DRC11: variants seen among roughly 807,000 people sequenced by gnomAD.
DRC11 encodes dynein regulatory complex subunit 11, also known as IQ and AAA domain-containing protein 1.
the DRC11 span, among the ~76,000 whole-genome samples, chr2:236,407,272 C>T: frequency 1.3e-5 from 2 of 152,178 alleles, no homozygotes; most frequent in Admixed American, 1.3e-4. Flanking sequence ...TTGATGGTAT[C>T]TGGGTTAATT....
At chr2:236,422,665 T>A in the DRC11 span, among the ~76,000 whole-genome samples, 1 of 152,224 alleles carries the variant, frequency 6.6e-6, no homozygotes, top group East Asian at 1.9e-4. Flanking sequence ...CCCATCAAGC[T>A]ACCAATGACT....
chr2:236,317,545 G>C, the DRC11 span, among the ~76,000 whole-genome samples: 5 of 152,280 alleles, frequency 3.3e-5, 1 homozygote, highest in South Asian at 1.0e-3. The surrounding 1 kb of genome is among the most constrained non-coding windows in gnomAD (Gnocchi z 5.4). Flanking sequence ...CAGGACAATA[G>C]TTGCCTTTGC....
the DRC11 span, chr2:236,486,739 C>A: frequency 1.1e-6 from 1 of 869,664 alleles, no homozygotes. The surrounding 1 kb of genome is among the most constrained non-coding windows in gnomAD (Gnocchi z 5.7). Flanking sequence ...TTCTTTCTTT[C>A]TTCCCTCAAA....
chr2:236,403,324 A>T, the DRC11 span, among the ~76,000 whole-genome samples: 1 of 151,740 alleles, frequency 6.6e-6, no homozygotes, highest in African/African-American at 2.4e-5. Flanking sequence ...AGAGAGAGAG[A>T]GGCAGAGAGA....
chr2:236,431,482 G>A, the DRC11 span, among the ~76,000 whole-genome samples: 1 of 152,156 alleles, frequency 6.6e-6, no homozygotes, highest in South Asian at 2.1e-4. This position sits in a 1 kb window ranked among gnomAD's most constrained non-coding sequence, Gnocchi z 4.2. Context: ...GTCACTGCCT[G>A]CATGGTTCAA....
At chr2:236,462,285 C>G in the DRC11 span, among the ~76,000 whole-genome samples, 5 of 152,208 alleles carry the variant, frequency 3.3e-5, no homozygotes, top group South Asian at 1.0e-3. The surrounding 1 kb of genome is among the most constrained non-coding windows in gnomAD (Gnocchi z 6.4). Flanking sequence ...GTGGCCAGTG[C>G]CTGGGGACAC....
At chr2:236,394,551 A>T in the DRC11 span, among the ~76,000 whole-genome samples, 9 of 152,214 alleles carry the variant, frequency 5.9e-5, 1 homozygote, top group African/African-American at 2.2e-4. This position sits in a 1 kb window ranked among gnomAD's most constrained non-coding sequence, Gnocchi z 7.0. Context: ...GAATTGCTTG[A>T]ATCCAGGAGG....
At chr2:236,481,262 G>A in the DRC11 span, among the ~76,000 whole-genome samples, 2 of 152,222 alleles carry the variant, frequency 1.3e-5, no homozygotes, top group South Asian at 4.1e-4. Context: ...CCTGTAGGTT[G>A]AGGCAGGGAT....
At chr2:236,309,610 TATACTC>T in the DRC11 span, among the ~76,000 whole-genome samples, 2 of 152,212 alleles carry the variant, frequency 1.3e-5, no homozygotes, top group African/African-American at 2.4e-5. The surrounding 1 kb of genome is among the most constrained non-coding windows in gnomAD (Gnocchi z 5.7). Flanking sequence ...AGCAAATAAA[TATACTC>T]ATCCACAAAA....
the DRC11 span, among the ~76,000 whole-genome samples, chr2:236,494,650 AT>A: frequency 3.4e-4 from 51 of 151,494 alleles, no homozygotes; most frequent in African/African-American, 1.1e-3. This position sits in a 1 kb window ranked among gnomAD's most constrained non-coding sequence, Gnocchi z 4.2. Flanking sequence ...TGGCTACCTT[AT>A]TTTTTTTTCC....
chr2:236,324,601 A>G, the DRC11 span: 3 of 772,460 alleles, frequency 3.9e-6, no homozygotes, highest in South Asian at 3.2e-5. The surrounding 1 kb of genome is among the most constrained non-coding windows in gnomAD (Gnocchi z 5.7). Context: ...TTCTTTGGCG[A>G]GTTGGGGTCC....
At chr2:236,483,226 T>C in the DRC11 span, among the ~76,000 whole-genome samples, 1 of 152,186 alleles carries the variant, frequency 6.6e-6, no homozygotes, top group African/African-American at 2.4e-5. The surrounding 1 kb of genome is among the most constrained non-coding windows in gnomAD (Gnocchi z 4.8). Flanking sequence ...TTCCTTCTCT[T>C]TTATAGCTGA....
chr2:236,459,500 T>TAC, the DRC11 span, among the ~76,000 whole-genome samples: 2 of 103,130 alleles, frequency 1.9e-5, no homozygotes, highest in South Asian at 2.8e-4. Context: ...TACGTATATA[T>TAC]GTATACGTAT....
At chr2:236,382,432 C>T in the DRC11 span, among the ~76,000 whole-genome samples, 2 of 152,146 alleles carry the variant, frequency 1.3e-5, no homozygotes, top group Non-Finnish European at 2.9e-5. Context: ...TATTCTAGTT[C>T]CATTACCTTT....
chr2:236,315,324 A>G, the DRC11 span, among the ~76,000 whole-genome samples: 1 of 152,164 alleles, frequency 6.6e-6, no homozygotes, highest in East Asian at 1.9e-4. The surrounding 1 kb of genome is among the most constrained non-coding windows in gnomAD (Gnocchi z 5.1). Flanking sequence ...TTCCAGGTAA[A>G]CTCGCAGATA....
chr2:236,319,227 C>G, the DRC11 span, among the ~76,000 whole-genome samples: 1 of 152,218 alleles, frequency 6.6e-6, no homozygotes, highest in Non-Finnish European at 1.5e-5. This position sits in a 1 kb window ranked among gnomAD's most constrained non-coding sequence, Gnocchi z 6.7. Context: ...AGTAATTGAA[C>G]AGCAGGTGGC....
the DRC11 span, among the ~76,000 whole-genome samples, chr2:236,467,953 T>C: frequency 6.6e-6 from 1 of 152,138 alleles, no homozygotes; most frequent in Non-Finnish European, 1.5e-5. Context: ...ACAATGAAGA[T>C]GTCATTAAAA....
the DRC11 span, among the ~76,000 whole-genome samples, chr2:236,316,145 TTC>T: frequency 0.023 from 3,345 of 145,330 alleles, 96 homozygotes; most frequent in East Asian, 0.13. The surrounding 1 kb of genome is among the most constrained non-coding windows in gnomAD (Gnocchi z 6.8). Flanking sequence ...ACTTATTTTC[TTC>T]TCTCTCTCTC....
At chr2:236,412,187 G>A in the DRC11 span, among the ~76,000 whole-genome samples, 25 of 152,238 alleles carry the variant, frequency 1.6e-4, no homozygotes, top group African/African-American at 4.3e-4. Context: ...GGGCCACTGC[G>A]CCCAGCCAAT....
Sources: allele counts gnomAD v4.1 joint callset (sites outside exome capture counted in the v4.1 genomes callset), GRCh38; gene constraint gnomAD v4.1.1; non-coding constraint Gnocchi (gnomAD v3.1); transcripts MANE v1.5; gene names NCBI Gene and HGNC (gene_info 2026-07-23, HGNC 2026-07-21).